The following AGTPBP1 variants were observed in gnomAD, a reference collection of about 807,000 sequenced individuals.
AGTPBP1 encodes the protein cytosolic carboxypeptidase 1.
In AGTPBP1, 70 loss-of-function variants were observed where a neutral mutation model predicts 143.9. The ratio of observed to expected loss-of-function variants is 0.49; its 90% CI spans 0.40 to 0.59. The LOEUF (loss-of-function observed/expected upper bound fraction) is 0.59, where lower values mean the gene tolerates loss of function less well. AGTPBP1 is among the 20% of genes least tolerant of loss of function. The pLI, the probability that AGTPBP1 is intolerant of heterozygous loss-of-function variation, is 0.00. For synonymous variants in AGTPBP1, 463 were observed against 500.2 expected (o/e 0.93, Z 0.99); for missense variants, 1,229 against 1,464.5 (o/e 0.84, Z 2.62).
chr9:85,683,344 G>A (rs1835304737), intron 3 of AGTPBP1, among the ~76,000 whole-genome samples: 1 of 152,012 alleles, frequency 6.6e-6, no homozygotes, highest in Non-Finnish European at 1.5e-5. Context: ...AATATCTAAT[G>A]TACCCTTGAT....
intron 4 of AGTPBP1, among the ~76,000 whole-genome samples, chr9:85,678,672 A>C (rs1381818627): frequency 6.6e-6 from 1 of 152,230 alleles, no homozygotes; most frequent in Non-Finnish European, 1.5e-5. Context: ...ATAGATAATA[A>C]AAGTAAATGA....
the AGTPBP1 span, among the ~76,000 whole-genome samples, chr9:85,751,586 C>T: frequency 6.6e-6 from 1 of 152,076 alleles, no homozygotes; most frequent in African/African-American, 2.4e-5. Flanking sequence ...ATTTCTAAAC[C>T]CCTAGAAGGC....
chr9:85,742,888 G>T (rs1300807994), upstream of AGTPBP1, among the ~76,000 whole-genome samples: 1 of 152,172 alleles, frequency 6.6e-6, no homozygotes, highest in East Asian at 1.9e-4. Context: ...GGAATGCATT[G>T]AGAACTGTGA....
chr9:85,752,803 A>G, the AGTPBP1 span, among the ~76,000 whole-genome samples: 1 of 152,180 alleles, frequency 6.6e-6, no homozygotes, highest in South Asian at 2.1e-4. Context: ...GGCCAGGAAG[A>G]TCACTGGAGA....
chr9:85,717,082 A>T (rs1410825054), intron 1 of AGTPBP1, among the ~76,000 whole-genome samples: 1 of 152,178 alleles, frequency 6.6e-6, no homozygotes, highest in East Asian at 1.9e-4. Context: ...TTTCAATACA[A>T]CCCATCCCAA....
chr9:85,722,079 C>T (rs1838165086), intron 1 of AGTPBP1, among the ~76,000 whole-genome samples: 1 of 152,186 alleles, frequency 6.6e-6, no homozygotes, highest in Non-Finnish European at 1.5e-5. Context: ...GTAACCCGAC[C>T]TTTCTCTCTG....
At chr9:85,662,472 T>C (rs1240702386) in intron 8 of AGTPBP1, among the ~76,000 whole-genome samples, 1 of 152,120 alleles carries the variant, frequency 6.6e-6, no homozygotes, top group Non-Finnish European at 1.5e-5. Flanking sequence ...TGCAATAAAA[T>C]GTACAGGAGA....
At chr9:85,750,039 G>A in the AGTPBP1 span, among the ~76,000 whole-genome samples, 5 of 152,002 alleles carry the variant, frequency 3.3e-5, no homozygotes, top group South Asian at 2.1e-4. Context: ...TTGCCACCAT[G>A]CCTGGCTAAT....
the AGTPBP1 span, among the ~76,000 whole-genome samples, chr9:85,771,985 C>CT: frequency 6.7e-3 from 887 of 132,264 alleles, 4 homozygotes; most frequent in Middle Eastern, 0.023. Flanking sequence ...TTATGCTGTT[C>CT]TTTTTTTTTT....
upstream of AGTPBP1, chr9:85,742,082 C>G: frequency 9.0e-7 from 1 of 1,111,606 alleles, no homozygotes; most frequent in Non-Finnish European, 1.1e-6. Context: ...GGAGCGCACG[C>G]CCTCTTCCCG....
At chr9:85,614,679 T>C (rs1033637537) in intron 17 of AGTPBP1, among the ~76,000 whole-genome samples, 1 of 152,034 alleles carries the variant, frequency 6.6e-6, no homozygotes, top group African/African-American at 2.4e-5. Context: ...CTACAGGATG[T>C]TAGACTATAT....
intron 1 of AGTPBP1, among the ~76,000 whole-genome samples, chr9:85,737,867 C>A (rs904752782): frequency 6.6e-6 from 1 of 152,130 alleles, no homozygotes; most frequent in African/African-American, 2.4e-5. Context: ...GCTCCCTCCC[C>A]GGCCTCCCCA....
the AGTPBP1 span, among the ~76,000 whole-genome samples, chr9:85,787,635 G>A: frequency 6.6e-6 from 1 of 152,034 alleles, no homozygotes; most frequent in Non-Finnish European, 1.5e-5. Flanking sequence ...CACACCAAAT[G>A]TAGTTTGTAC....
intron 18 of AGTPBP1, 127 bp from the exon 19 acceptor site, chr9:85,592,831 T>A: frequency 9.2e-7 from 1 of 1,092,432 alleles, no homozygotes; most frequent in Non-Finnish European, 1.3e-6. Flanking sequence ...GTAACTTAAA[T>A]ACCCTATTTT....
chr9:85,677,629 A>G, intron 5 of AGTPBP1, 47 bp from the exon 6 acceptor site: 2 of 1,430,174 alleles, frequency 1.4e-6, no homozygotes, highest in Non-Finnish European at 1.9e-6. Context: ...TTAAAAAAAA[A>G]TTAACAAATT....
At chr9:85,550,194 TGAGAGA>T (rs761030919) in intron 25 of AGTPBP1, among the ~76,000 whole-genome samples, 5 of 129,184 alleles carry the variant, frequency 3.9e-5, no homozygotes, top group East Asian at 3.3e-4. Context: ...TGTGTGTGTG[TGAGAGA>T]GAGAGAGAGA....
Position 85,588,368 on chromosome 9 carries a change from G to A in AGTPBP1, c.2833C>T (p.Gln945Ter). The part of the protein sequence containing the change: ...EYLMSNNPTA[Q>*]SLRESYIFKI... ...AAAATATAAGATTCTCGTAAGCTCTGAGCAGTGGGGTTATTGCTCATGAGA... is the reference window on the plus strand; with the variant it reads ...AAAATATAAGATTCTCGTAAGCTCTAAGCAGTGGGGTTATTGCTCATGAGA... Residue 945 changes from glutamine to a stop codon, truncating the protein, a stop_gained, in exon 21 of 26, where the codon CAG (glutamine) becomes TAG (stop). Transcript: ENST00000357081. LOFTEE classifies it high-confidence loss of function. The A allele has an allele frequency of 1.2e-6, 2 of 1,613,408 alleles. No individual in the cohort carries two copies. The highest frequency in any genetic ancestry group is 2.2e-5 in the South Asian group (2 of 90,992).
intron 8 of AGTPBP1, among the ~76,000 whole-genome samples, chr9:85,669,201 TATAG>T (rs896453266): frequency 3.3e-5 from 5 of 151,258 alleles, no homozygotes; most frequent in Non-Finnish European, 7.4e-5. Context: ...ATGAATACTC[TATAG>T]ATAATCTTTT....
chr9:85,739,701 T>G (rs1337240697), intron 1 of AGTPBP1, among the ~76,000 whole-genome samples: 1 of 120,558 alleles, frequency 8.3e-6, no homozygotes, highest in Non-Finnish European at 1.7e-5. Flanking sequence ...AGAGCGAAAC[T>G]CCGTCTCAAA....
Sources: allele counts gnomAD v4.1 joint callset (sites outside exome capture counted in the v4.1 genomes callset), GRCh38; gene constraint gnomAD v4.1.1; transcripts MANE v1.5; gene names NCBI Gene and HGNC (gene_info 2026-07-23, HGNC 2026-07-21).